ZFYVE9: variants seen among roughly 807,000 people sequenced by gnomAD.
ZFYVE9 encodes zinc finger FYVE domain-containing protein 9.
In ZFYVE9, 43 loss-of-function variants were observed where a neutral mutation model predicts 126.7. The ratio of observed to expected loss-of-function variants is 0.34; its 90% CI spans 0.27 to 0.44. ZFYVE9 has a LOEUF of 0.44. ZFYVE9 is among the 20% of genes least tolerant of loss of function. ZFYVE9 has a pLI of 1.00. For missense variants in ZFYVE9, 1,476 were observed against 1,697.0 expected (o/e 0.87, Z 2.29); for synonymous variants, 521 against 597.4 (o/e 0.87, Z 1.87).
intron 4 of ZFYVE9, among the ~76,000 whole-genome samples, chr1:52,258,605 T>C (rs1645546122): frequency 6.6e-6 from 1 of 152,200 alleles, no homozygotes. Context: ...TTGACTATTA[T>C]CCAGTAATTT....
chr1:52,206,615 G>A (rs757246463), intron 1 of ZFYVE9, among the ~76,000 whole-genome samples: 4 of 151,918 alleles, frequency 2.6e-5, no homozygotes, highest in Non-Finnish European at 5.9e-5. Flanking sequence ...GCATGATCTC[G>A]GCTCGGCTCA....
intron 17 of ZFYVE9, among the ~76,000 whole-genome samples, chr1:52,340,551 A>G (rs1250616275): frequency 6.6e-6 from 1 of 152,198 alleles, no homozygotes; most frequent in African/African-American, 2.4e-5. Flanking sequence ...GTTATTCTGT[A>G]CTTATAAACT....
chr1:52,329,567 G>A (rs1007063290), intron 13 of ZFYVE9, among the ~76,000 whole-genome samples: 3 of 152,078 alleles, frequency 2.0e-5, no homozygotes, highest in Non-Finnish European at 4.4e-5. Context: ...CTATAAAATG[G>A]GAGAAAATAT....
chr1:52,241,424 G>C (rs1050881744), intron 4 of ZFYVE9, among the ~76,000 whole-genome samples: 4 of 152,070 alleles, frequency 2.6e-5, no homozygotes. Flanking sequence ...TTGTAGATTA[G>C]GTTCATCATT....
chr1:52,309,862 T>C (rs1646121681), intron 13 of ZFYVE9, among the ~76,000 whole-genome samples: 2 of 152,184 alleles, frequency 1.3e-5, no homozygotes, highest in African/African-American at 4.8e-5. Context: ...AAGATAGTAC[T>C]TCTGACGGCA....
intron 2 of ZFYVE9, among the ~76,000 whole-genome samples, chr1:52,221,962 C>T (rs1425411338): frequency 1.3e-5 from 2 of 152,144 alleles, no homozygotes; most frequent in Non-Finnish European, 2.9e-5. Flanking sequence ...CTGAGAATTT[C>T]CTAAGTTCCT....
chr1:52,306,772 G>A (rs549852488), intron 13 of ZFYVE9, among the ~76,000 whole-genome samples: 1 of 152,328 alleles, frequency 6.6e-6, no homozygotes, highest in African/African-American at 2.4e-5. Context: ...AGCTGCTTGC[G>A]GTGCACCTGG....
chr1:52,149,667 G>A (rs1354769449), intron 1 of ZFYVE9, among the ~76,000 whole-genome samples: 1 of 152,124 alleles, frequency 6.6e-6, no homozygotes, highest in Non-Finnish European at 1.5e-5. Flanking sequence ...GCTAATTTTT[G>A]TATTTTTAGT....
chr1:52,263,656 T>G, intron 4 of ZFYVE9, 117 bp from the exon 5 acceptor site: 1 of 493,140 alleles, frequency 2.0e-6, no homozygotes, highest in Non-Finnish European at 3.6e-6. Flanking sequence ...TTTGAAACTT[T>G]AGTATTGTAG....
At position 52,159,913 on chromosome 1, in the gene ZFYVE9, A is replaced by G. The variant is rs534344686; in HGVS notation, c.-143+17510A>G. On this transcript the variant is annotated intron_variant, in intron 1 of 18. Coordinates refer to ENST00000287727, the MANE Select transcript of ZFYVE9 (RefSeq NM_004799.4). ...CAGGTTCACGCTGTTCTCCTGCCTC[A>G]GCCTCCTGAGTAGCTGGGACTACAG... is the stretch of plus-strand genomic sequence containing the variant. Among the ~76,000 whole-genome samples, 227 of 151,874 alleles carry G rather than the reference A, an allele frequency of 1.5e-3. 4 individuals carry two copies. Among genetic ancestry groups the G allele is most frequent in the Admixed American group, 0.013 (205 of 15,246 alleles).
At chr1:52,253,636 A>G (rs569261332) in intron 4 of ZFYVE9, 3 of 1,444,698 alleles carry the variant, frequency 2.1e-6, no homozygotes, top group East Asian at 2.3e-5. Flanking sequence ...CACACCAAAC[A>G]AGGCACCTCC....
intron 17 of ZFYVE9, among the ~76,000 whole-genome samples, chr1:52,344,387 G>C (rs1319401451): frequency 6.6e-6 from 1 of 152,230 alleles, no homozygotes; most frequent in Non-Finnish European, 1.5e-5. Context: ...TCAGCTATAA[G>C]AGCCATTCTC....
At chr1:52,275,359 T>A (rs1311124551) in intron 8 of ZFYVE9, among the ~76,000 whole-genome samples, 3 of 152,214 alleles carry the variant, frequency 2.0e-5, no homozygotes, top group Non-Finnish European at 4.4e-5. Context: ...TTCAAGTACA[T>A]GTGTCTTTTT....
intron 1 of ZFYVE9, among the ~76,000 whole-genome samples, chr1:52,193,410 AAAAAG>A (rs1394175639): frequency 2.6e-5 from 4 of 151,390 alleles, no homozygotes; most frequent in Non-Finnish European, 5.9e-5. Flanking sequence ...AAAAAAAAAA[AAAAAG>A]GATACACATG....
chr1:52,320,030 A>AAG lies in ZFYVE9; in HGVS notation c.3439-12734_3439-12733dup, dbSNP rs1646224096. 1.4e-5 allele frequency among the ~76,000 whole-genome samples: 2 copies of AAG among 145,308 alleles called. 1 individual carries two copies. The highest frequency in any genetic ancestry group is 3.0e-5 in the Non-Finnish European group (2 of 66,952). On this transcript the variant is annotated intron_variant, in intron 13 of 18. Transcript: ENST00000287727. The stretch of plus-strand genomic sequence containing the variant: ...GATTCTGTCTCAAAAAAAAAAAAAA[A>AAG]AGAGAAAAAGAAAATAATTCCAGGA...
intron 10 of ZFYVE9, among the ~76,000 whole-genome samples, chr1:52,287,129 G>T (rs898863445): frequency 6.6e-6 from 1 of 151,638 alleles, no homozygotes; most frequent in South Asian, 2.1e-4. Context: ...TCGCTGTGTC[G>T]CCCGGGCCGG....
intron 14 of ZFYVE9, among the ~76,000 whole-genome samples, chr1:52,333,829 G>T (rs898369903): frequency 6.6e-6 from 1 of 150,644 alleles, no homozygotes; most frequent in East Asian, 1.9e-4. Context: ...GGTGGCTCAC[G>T]CCTGTAATCC....
At chr1:52,155,028 C>G (rs933513921) in intron 1 of ZFYVE9, among the ~76,000 whole-genome samples, 1 of 152,024 alleles carries the variant, frequency 6.6e-6, no homozygotes, top group African/African-American at 2.4e-5. Flanking sequence ...TCTTCTTGTG[C>G]CTTTTGGTTC....
At chr1:52,158,350 A>T (rs183675625) in intron 1 of ZFYVE9, among the ~76,000 whole-genome samples, 158 of 152,330 alleles carry the variant, frequency 1.0e-3, no homozygotes, top group African/African-American at 3.6e-3. Flanking sequence ...ACTAGCTATT[A>T]TCATGGCATC....
Sources: gnomAD v4.1 joint callset for allele counts (sites outside exome capture counted in the v4.1 genomes callset) on GRCh38, gnomAD v4.1.1 for gene constraint, MANE v1.5 for transcripts, NCBI Gene and HGNC (gene_info 2026-07-23, HGNC 2026-07-21) for gene names.